UNC5C: variants seen among roughly 807,000 people sequenced by gnomAD.
The protein encoded by UNC5C is netrin receptor UNC5C.
UNC5C carries 47 observed loss-of-function variants against 99.8 expected under a neutral mutation model. That is an observed-to-expected ratio of 0.47 (90% CI 0.37 to 0.60). UNC5C has a LOEUF of 0.60. Ranked by LOEUF, UNC5C falls within the 20% of genes least tolerant of loss-of-function variation. The pLI, the probability that UNC5C is intolerant of heterozygous loss-of-function variation, is 0.00. For missense variants in UNC5C, 1,062 were observed against 1,165.9 expected, an observed-to-expected ratio of 0.91 and a Z score of 1.30; for synonymous variants, 487 against 452.2, an observed-to-expected ratio of 1.08 and a Z score of -0.98.
At chr4:95,452,606 T>G (rs1365094414) in intron 1 of UNC5C, among the ~76,000 whole-genome samples, 2 of 152,028 alleles carry the variant, frequency 1.3e-5, no homozygotes, top group Non-Finnish European at 2.9e-5. Context: ...TTCTGTAAAA[T>G]CAACAAGGAC....
Position 95,454,869 on chromosome 4 carries a change from C to T in UNC5C, c.124+93865G>A, listed in dbSNP as rs191515276. On this transcript the variant is annotated intron_variant, in intron 1 of 15. Coordinates refer to ENST00000453304, the MANE Select transcript of UNC5C (RefSeq NM_003728.4). ...TTTGATCATATCAGTATCCAAAGAT[C>T]GCTGAACATTTCTAATTTAAATTTA... Among the ~76,000 whole-genome samples the T allele has an allele frequency of 5.4e-3, 820 of 151,886 alleles. 5 individuals carry two copies. Among genetic ancestry groups the T allele is most frequent in the South Asian group, 0.014 (66 of 4,800 alleles).
chr4:95,395,026 C>G (rs1745471701), intron 1 of UNC5C, among the ~76,000 whole-genome samples: 2 of 152,188 alleles, frequency 1.3e-5, no homozygotes, highest in African/African-American at 4.8e-5. Context: ...AGTGAGCTGC[C>G]CATTTCTCAC....
intron 1 of UNC5C, among the ~76,000 whole-genome samples, chr4:95,449,719 T>C (rs1050728988): frequency 6.6e-6 from 1 of 152,194 alleles, no homozygotes; most frequent in African/African-American, 2.4e-5. Flanking sequence ...ATATAAACCC[T>C]GTACAGAACT....
chr4:95,243,023 G>A (rs1337680251), intron 6 of UNC5C, among the ~76,000 whole-genome samples: 1 of 152,162 alleles, frequency 6.6e-6, no homozygotes, highest in Non-Finnish European at 1.5e-5. Context: ...CAGAGAAGAG[G>A]TTGGTACGGT....
At chr4:95,248,852 G>A (rs1169863652) in intron 5 of UNC5C, among the ~76,000 whole-genome samples, 1 of 152,090 alleles carries the variant, frequency 6.6e-6, no homozygotes, top group Admixed American at 6.5e-5. Context: ...ATGTGCTATA[G>A]CCTAAGTGTA....
chr4:95,475,876 A>G (rs1748129357), intron 1 of UNC5C, among the ~76,000 whole-genome samples: 1 of 152,158 alleles, frequency 6.6e-6, no homozygotes, highest in African/African-American at 2.4e-5. Context: ...GATAATCAGC[A>G]GGTCCTCGCT....
At chr4:95,222,329 A>C in intron 7 of UNC5C, 43 of 918,968 alleles carry the variant, frequency 4.7e-5, no homozygotes, top group South Asian at 5.8e-5. Flanking sequence ...GGGAAAGAAA[A>C]TAGGAAGCAT....
chr4:95,323,630 C>A (rs1279052970), intron 2 of UNC5C, among the ~76,000 whole-genome samples: 1 of 152,148 alleles, frequency 6.6e-6, no homozygotes, highest in Non-Finnish European at 1.5e-5. Flanking sequence ...TCCCGTAGTT[C>A]CCCTTTGAAA....
intron 1 of UNC5C, among the ~76,000 whole-genome samples, chr4:95,427,657 A>G (rs940654221): frequency 3.3e-5 from 5 of 152,198 alleles, no homozygotes; most frequent in African/African-American, 1.2e-4. Flanking sequence ...TTCGGATAGA[A>G]TGCTACTGCA....
intron 1 of UNC5C, among the ~76,000 whole-genome samples, chr4:95,494,106 C>G (rs1047682027): frequency 3.0e-4 from 46 of 151,176 alleles, no homozygotes; most frequent in African/African-American, 1.1e-3. Flanking sequence ...TTGAAAAGGA[C>G]AAGAAAGAAA....
At chr4:95,521,713 G>A (rs1301150381) in intron 1 of UNC5C, among the ~76,000 whole-genome samples, 13 of 152,108 alleles carry the variant, frequency 8.5e-5, no homozygotes, top group African/African-American at 2.9e-4. Context: ...ATGTGAGAAA[G>A]CTACGTAGAT....
intron 3 of UNC5C, among the ~76,000 whole-genome samples, chr4:95,294,958 T>C (rs769791773): frequency 2.0e-5 from 3 of 152,152 alleles, no homozygotes; most frequent in Non-Finnish European, 4.4e-5. Context: ...AAGGTCACAG[T>C]AGGAAGTCAT....
At chr4:95,519,238 T>C (rs113895807) in intron 1 of UNC5C, among the ~76,000 whole-genome samples, 1 of 152,076 alleles carries the variant, frequency 6.6e-6, no homozygotes, top group African/African-American at 2.4e-5. Context: ...TGAGGCCCAT[T>C]CAGCAATAGG....
At chr4:95,387,700 G>T (rs899751247) in intron 1 of UNC5C, among the ~76,000 whole-genome samples, 3 of 152,182 alleles carry the variant, frequency 2.0e-5, no homozygotes, top group African/African-American at 7.2e-5. Context: ...AAAAAACAAA[G>T]TAAGATTTTT....
At chr4:95,342,129 C>A in intron 1 of UNC5C, among the ~76,000 whole-genome samples, 1 of 152,062 alleles carries the variant, frequency 6.6e-6, no homozygotes, top group East Asian at 1.9e-4. Context: ...ATGCCAGGCT[C>A]GGAACCACTG....
chr4:95,343,190 T>C (rs1013716144), intron 1 of UNC5C, among the ~76,000 whole-genome samples: 1 of 152,120 alleles, frequency 6.6e-6, no homozygotes, highest in Non-Finnish European at 1.5e-5. Flanking sequence ...GTGGCTACCA[T>C]GGGCCTTGGG....
intron 12 of UNC5C, among the ~76,000 whole-genome samples, chr4:95,199,359 C>CATT (rs1435752397): frequency 6.6e-6 from 1 of 152,022 alleles, no homozygotes; most frequent in Non-Finnish European, 1.5e-5. Flanking sequence ...TTGGAGAGGC[C>CATT]ATTTGCCTAT....
chr4:95,366,681 A>G (rs2626037), intron 1 of UNC5C, among the ~76,000 whole-genome samples: 23,558 of 152,248 alleles, frequency 0.15, 2,058 homozygotes, highest in Admixed American at 0.2. Flanking sequence ...TTCAAAGGCT[A>G]TAGCTCCAGA....
intron 7 of UNC5C, among the ~76,000 whole-genome samples, chr4:95,236,415 AC>A (rs1201493241): frequency 1.4e-5 from 2 of 138,018 alleles, no homozygotes; most frequent in Non-Finnish European, 3.1e-5. Flanking sequence ...GGGGGACATC[AC>A]ACACCGGGGC....
Sources: gnomAD v4.1 joint callset for allele counts (sites outside exome capture counted in the v4.1 genomes callset) on GRCh38, gnomAD v4.1.1 for gene constraint, MANE v1.5 for transcripts, NCBI Gene and HGNC (gene_info 2026-07-23, HGNC 2026-07-21) for gene names.